The following TRPM3 variants were observed in gnomAD, a reference collection of about 807,000 sequenced individuals.
TRPM3 encodes transient receptor potential cation channel subfamily M member 3.
In TRPM3, 77 loss-of-function variants were observed where a neutral mutation model predicts 181.2. That is an observed-to-expected ratio of 0.42 (90% CI 0.35 to 0.51). TRPM3 has a LOEUF of 0.51. Among genes scored for constraint, TRPM3 ranks in the 20% least tolerant of loss-of-function variants. The pLI is 0.01. For synonymous variants in TRPM3, 745 were observed against 796.4 expected (o/e 0.94, Z 1.09); for missense variants, 1,759 against 2,196.7 (o/e 0.80, Z 3.98).
chr9:70,795,775 A>G (rs776083615), intron 6 of TRPM3, among the ~76,000 whole-genome samples: 2 of 152,240 alleles, frequency 1.3e-5, no homozygotes, highest in Non-Finnish European at 2.9e-5. Context: ...AGCTTTTTAC[A>G]TAATCAATGG....
chr9:71,388,672 C>T (rs972164870), intron 1 of TRPM3, among the ~76,000 whole-genome samples: 2 of 152,142 alleles, frequency 1.3e-5, no homozygotes, highest in Non-Finnish European at 2.9e-5. Context: ...CCTCTCAATT[C>T]TTTAACAGTT....
chr9:71,114,576 C>G (rs2071884507), intron 1 of TRPM3, among the ~76,000 whole-genome samples: 1 of 152,250 alleles, frequency 6.6e-6, no homozygotes, highest in South Asian at 2.1e-4. Flanking sequence ...TCCTTTCTGT[C>G]CAGAATCGTT....
At chr9:71,386,583 G>A (rs1272726569) in intron 1 of TRPM3, among the ~76,000 whole-genome samples, 1 of 152,096 alleles carries the variant, frequency 6.6e-6, no homozygotes, top group Non-Finnish European at 1.5e-5. Flanking sequence ...GATGTATCTG[G>A]TAGTCAATTG....
intron 24 of TRPM3, 21 bp from the exon 25 acceptor site, chr9:70,549,695 G>A (rs1889914): frequency 0.5 from 778,026 of 1,564,462 alleles, 197,558 homozygotes; most frequent in East Asian, 0.7. Context: ...AAAAAAAAAG[G>A]AAGTCTTGAG....
chr9:70,537,760 G>A (rs940682152), intron 25 of TRPM3, among the ~76,000 whole-genome samples: 6 of 152,090 alleles, frequency 3.9e-5, no homozygotes, highest in African/African-American at 1.4e-4. Context: ...AGTCCACCAT[G>A]GCCTAGCTGT....
intron 1 of TRPM3, among the ~76,000 whole-genome samples, chr9:71,026,998 C>A (rs1024985891): frequency 6.6e-6 from 1 of 152,120 alleles, no homozygotes; most frequent in Non-Finnish European, 1.5e-5. Flanking sequence ...CTGCTTGTGG[C>A]ACATGCAAAC....
intron 6 of TRPM3, chr9:70,811,319 C>T (rs2091993936): frequency 3.2e-6 from 4 of 1,266,304 alleles, no homozygotes; most frequent in Admixed American, 2.1e-5. Context: ...AGATGGATTA[C>T]CCAATTTACA....
chr9:71,006,207 C>T (rs1340596971), intron 1 of TRPM3, among the ~76,000 whole-genome samples: 1 of 151,992 alleles, frequency 6.6e-6, no homozygotes, highest in Non-Finnish European at 1.5e-5. Context: ...AAATAAGTAG[C>T]ATGAGATCAA....
chr9:70,663,263 AT>A (rs1162396202), intron 9 of TRPM3, among the ~76,000 whole-genome samples: 2 of 152,150 alleles, frequency 1.3e-5, no homozygotes, highest in African/African-American at 4.8e-5. Context: ...GGGGTGAGGG[AT>A]AAAAGACTAC....
chr9:70,686,728 T>C (rs1183004609), intron 8 of TRPM3, among the ~76,000 whole-genome samples: 1 of 132,674 alleles, frequency 7.5e-6, no homozygotes, highest in Non-Finnish European at 1.6e-5. Context: ...CTTCCTTCCT[T>C]CCTTCCTTCC....
chr9:71,109,527 TACAAAACAG>T (rs2070559978), intron 1 of TRPM3, among the ~76,000 whole-genome samples: 5 of 152,196 alleles, frequency 3.3e-5, no homozygotes, highest in Non-Finnish European at 7.4e-5. Flanking sequence ...TTATGAATAA[TACAAAACAG>T]TATTTTTATT....
chr9:70,950,390 CAT>C (rs2096985175), intron 1 of TRPM3, among the ~76,000 whole-genome samples: 1 of 152,078 alleles, frequency 6.6e-6, no homozygotes, highest in Non-Finnish European at 1.5e-5. Flanking sequence ...ATCCATTAAA[CAT>C]AGATAGGAAA....
intron 1 of TRPM3, among the ~76,000 whole-genome samples, chr9:70,881,492 G>A (rs1324212983): frequency 6.6e-6 from 1 of 152,140 alleles, no homozygotes; most frequent in Non-Finnish European, 1.5e-5. Context: ...TACCAGGCAG[G>A]CTGATTATGA....
intron 1 of TRPM3, among the ~76,000 whole-genome samples, chr9:71,053,221 T>G (rs2060265491): frequency 6.6e-6 from 1 of 151,834 alleles, no homozygotes; most frequent in South Asian, 2.1e-4. Flanking sequence ...AGAATGTGGT[T>G]GAAGCCAGAA....
intron 1 of TRPM3, among the ~76,000 whole-genome samples, chr9:71,198,246 C>G (rs2078526686): frequency 6.6e-6 from 1 of 152,046 alleles, no homozygotes; most frequent in African/African-American, 2.4e-5. Context: ...TGTTTTGGTA[C>G]CAGTACCATG....
chr9:71,245,263 C>T (rs771518078), intron 1 of TRPM3, among the ~76,000 whole-genome samples: 2 of 151,772 alleles, frequency 1.3e-5, no homozygotes, highest in African/African-American at 4.8e-5. Flanking sequence ...CCAAACATGG[C>T]GAAACCCCAT....
chr9:70,755,973 A>C (rs1172274838), intron 8 of TRPM3, among the ~76,000 whole-genome samples: 1 of 152,192 alleles, frequency 6.6e-6, no homozygotes, highest in East Asian at 1.9e-4. Context: ...CACATATAGC[A>C]ACATTAACCT....
At position 70,794,865 on chromosome 9, in the gene TRPM3, A is replaced by C. The variant is rs868730370; in HGVS notation, c.974-10586T>G. Among the ~76,000 whole-genome samples the C allele has an allele frequency of 3.9e-5, 6 of 152,336 alleles. No individual in the cohort carries two copies. In the South Asian group the frequency reaches 1.2e-3, roughly 32 times the overall value. ...GAAATGCATCTTGACATATGTTGAT[A>C]CATAAAAAGTATACAGTTGGCCTTC... On this transcript the variant is annotated intron_variant, in intron 6 of 25. Transcript: ENST00000677713.
chr9:70,759,853 G>A (rs947628590), intron 8 of TRPM3, among the ~76,000 whole-genome samples: 4 of 152,096 alleles, frequency 2.6e-5, no homozygotes, highest in Admixed American at 2.6e-4. Context: ...GGCTAGGGGA[G>A]GGATAGCATT....
Sources: gnomAD v4.1 joint callset for allele counts (sites outside exome capture counted in the v4.1 genomes callset) on GRCh38, gnomAD v4.1.1 for gene constraint, MANE v1.5 for transcripts, NCBI Gene and HGNC (gene_info 2026-07-23, HGNC 2026-07-21) for gene names.